LRP10: variants seen among roughly 807,000 people sequenced by gnomAD.
The protein encoded by LRP10 is LDL receptor related protein 10, also known as low-density lipoprotein receptor-related protein 10.
Under a neutral mutation model 58.5 loss-of-function variants are expected in LRP10, and 42 were observed. The ratio of observed to expected loss-of-function variants is 0.72; its 90% confidence interval spans 0.56 to 0.93. The LOEUF is 0.93. Among genes scored for constraint, LRP10 ranks in the 40% least tolerant of loss-of-function variants. The probability of loss-of-function intolerance (pLI) is 0.00; values close to 1 mark genes in which losing one functional copy is unlikely to be tolerated. For synonymous variants in LRP10, 377 were observed against 388.5 expected, an observed-to-expected ratio of 0.97 and a Z score of 0.35; for missense variants, 872 against 940.1, an observed-to-expected ratio of 0.93 and a Z score of 0.95.
intron 1 of LRP10, 90 bp downstream of exon 1, chr14:22,872,427 C>G (rs1052368714): frequency 4.1e-6 from 6 of 1,479,168 alleles, no homozygotes; most frequent in Non-Finnish European, 5.7e-6. Context: ...CTCTATCCTG[C>G]CTGCCCATTC....
In LRP10 at chr14:22,880,707, T is replaced by TA. The variant is rs35462909; in HGVS notation, c.*3181dup. On this transcript the variant is annotated 3_prime_UTR_variant, in exon 7 of 7. Coordinates refer to ENST00000359591, the MANE Select transcript of LRP10 (RefSeq NM_014045.5). Reference sequence around the variant, plus strand: ...AAGGCTGCAGAAGCACCTAGGTGGTTAGAGAGTGAGTGCCTGGATGGGGCG... The same window carrying TA: ...AAGGCTGCAGAAGCACCTAGGTGGTTAAGAGAGTGAGTGCCTGGATGGGGCG... 21,449 of 151,028 alleles carry TA rather than the reference T, an allele frequency of 0.14. 1,679 individuals carry two copies. Among genetic ancestry groups the TA allele is most frequent in the African/African-American group, 0.16 (6,419 of 41,044 alleles). The allele number at this position is 151,028 out of a possible 1,614,324, so 9.4% of individuals were successfully genotyped here.
chr14:22,873,508 A>G, intron 3 of LRP10, 62 bp downstream of exon 3: 1 of 1,557,300 alleles, frequency 6.4e-7, no homozygotes, highest in South Asian at 1.2e-5. Context: ...CTCCATTGGA[A>G]GTCTTCAGGG....
At chr14:22,873,067 C>A in intron 2 of LRP10, 1 of 603,516 alleles carries the variant, frequency 1.7e-6, no homozygotes. Flanking sequence ...GGTTCAGTGG[C>A]TGGCACAAAG....
At position 22,879,131 on chromosome 14, in the gene LRP10, C is replaced by T. The variant is rs2040037288; in HGVS notation, c.*1604C>T. The T allele has an allele frequency of 2.2e-6, 1 of 455,966 alleles. No homozygotes were observed. The highest frequency in any genetic ancestry group is 2.0e-5 in the African/African-American group (1 of 50,172). 28.2% of individuals were successfully genotyped at this position (455,966 alleles called of 1,614,324 possible). A position where few individuals can be genotyped will look rare whatever the true frequency, so the allele number is the denominator to read the frequency against. On this transcript the variant is annotated 3_prime_UTR_variant, in exon 7 of 7. Coordinates refer to ENST00000359591, the MANE Select transcript of LRP10 (RefSeq NM_014045.5). Reference sequence around the variant, plus strand: ...CCTAGCCCCACACCTGGTGGAGAGGCCCTGTTGATTACACCCTGTCAGCCT... The same window carrying T: ...CCTAGCCCCACACCTGGTGGAGAGGTCCTGTTGATTACACCCTGTCAGCCT...
Position 22,879,334 on chromosome 14 carries a change from G to C in LRP10, c.*1807G>C. The C allele has an allele frequency of 4.4e-5, 16 of 361,376 alleles. No individual in the cohort carries two copies. Among genetic ancestry groups the C allele is most frequent in the Non-Finnish European group, 8.2e-5 (14 of 170,690 alleles). 22.4% of individuals were successfully genotyped at this position (361,376 alleles called of 1,614,324 possible). A position where few individuals can be genotyped will look rare whatever the true frequency, so the allele number is the denominator to read the frequency against. On this transcript the variant is annotated 3_prime_UTR_variant, in exon 7 of 7. Coordinates refer to ENST00000359591, the MANE Select transcript of LRP10 (RefSeq NM_014045.5). ...TCCAGAGACTGGGGAGAGGGCTCTG[G>C]AGAACCTGGTTCTTGCTTACTGTTC...
chr14:22,873,868 A>C (rs753303197), intron 3 of LRP10, among the ~76,000 whole-genome samples: 58 of 152,258 alleles, frequency 3.8e-4, no homozygotes, highest in Non-Finnish European at 7.8e-4. Context: ...ATCCTTGTCA[A>C]CAGGTAAAGA....
rs374677073 is a variant in LRP10, at chr14:22,875,727, G to T, written c.779G>T (p.Arg260Leu). 1.2e-6 allele frequency: 2 copies of T among 1,613,706 alleles called. No homozygotes were observed. The highest frequency in any genetic ancestry group is 1.7e-6 in the Non-Finnish European group (2 of 1,179,774). Residue 260 changes from arginine to leucine, a missense_variant, in exon 5 of 7, where the codon CGA becomes CTA. Arg to Leu is a moderately radical substitution (Grantham distance 102). Transcript: ENST00000359591. ...GGCCCTGGGCCCCCTGAGAGCTCCC[G>T]ACTACTGCGTAGTCTCACCCACTTC... The part of the protein sequence containing the change: ...YDGPGPPESS[R>L]LLRSLTHFSN...
Position 22,872,122 on chromosome 14 carries a change from C to A in LRP10, c.-182C>A. The A allele has an allele frequency of 4.7e-6, 3 of 638,210 alleles. No homozygotes were observed. Among genetic ancestry groups the A allele is most frequent in the Middle Eastern group, 3.7e-4 (1 of 2,678 alleles). 39.5% of individuals were successfully genotyped at this position (638,210 alleles called of 1,614,324 possible). A position where few individuals can be genotyped will look rare whatever the true frequency, so the allele number is the denominator to read the frequency against. On this transcript the variant is annotated 5_prime_UTR_variant, in exon 1 of 7. Coordinates refer to ENST00000359591, the MANE Select transcript of LRP10 (RefSeq NM_014045.5). The stretch of plus-strand genomic sequence containing the variant: ...GTTGGCGAAAGGCACCGCCCCTACT[C>A]CCGGGCTGCCGCCGCCTCCCCGCCC...
Position 22,880,377 on chromosome 14 carries a change from A to G in LRP10, c.*2850A>G, listed in dbSNP as rs2040050035. 1 of 151,632 alleles carries G rather than the reference A, an allele frequency of 6.6e-6. No individual in the cohort carries two copies. The highest frequency in any genetic ancestry group is 2.1e-4 in the South Asian group (1 of 4,796). 9.4% of individuals were successfully genotyped at this position (151,632 alleles called of 1,614,324 possible). On this transcript the variant is annotated 3_prime_UTR_variant, in exon 7 of 7. Transcript: ENST00000359591. The stretch of plus-strand genomic sequence containing the variant: ...GTGACAGAGCGAGACTCCTTCTCCA[A>G]AAAAAAAGAAAAGAAGATACCAGAA...
chr14:22,875,901 G>A lies in LRP10; in HGVS notation c.953G>A (p.Gly318Asp). 5 of 1,613,496 alleles carry A rather than the reference G, an allele frequency of 3.1e-6. No homozygotes were observed. The highest frequency in any genetic ancestry group is 3.4e-6 in the Non-Finnish European group (4 of 1,179,636). Reference sequence around the variant, plus strand: ...CCTTGGGACAGACCCTGTGGCTTAGGCTCTGGCCTGGGAGCTGGCGAAGGC... The same window carrying A: ...CCTTGGGACAGACCCTGTGGCTTAGACTCTGGCCTGGGAGCTGGCGAAGGC... Reference protein sequence around the residue: ...CLPWDRPCGLGSGLGAGEGLG... With the variant: ...CLPWDRPCGLDSGLGAGEGLG... Residue 318 changes from glycine (G) to aspartate (D), a missense_variant, in exon 5 of 7, where the codon GGC (glycine) becomes GAC (aspartate). Gly to Asp is a moderately conservative substitution (Grantham distance 94). Transcript: ENST00000359591.
rs2040008057 is a variant in LRP10 at position 22,876,508 on chromosome 14, G to A, written c.1424+136G>A. 8 of 1,341,966 alleles carry A rather than the reference G, an allele frequency of 6.0e-6. No individual in the cohort carries two copies. The East Asian group carries it at 1.9e-4, about 31-fold the overall frequency. 83.1% of individuals were successfully genotyped at this position (1,341,966 alleles called of 1,614,324 possible). A position where few individuals can be genotyped will look rare whatever the true frequency, so the allele number is the denominator to read the frequency against. ...CAGCTTGTCAGTTGTGTCCTGTAAG[G>A]GACAGGTCCAGATCCTGAAAGCAGT... On this transcript the variant is annotated intron_variant, in intron 5 of 6. Coordinates refer to ENST00000359591, the MANE Select transcript of LRP10 (RefSeq NM_014045.5).
intron 2 of LRP10, 187 bp from the exon 3 acceptor site, chr14:22,873,124 T>G (rs2039972425): frequency 4.5e-6 from 3 of 671,886 alleles, no homozygotes; most frequent in Non-Finnish European, 7.6e-6. Flanking sequence ...GGTGAAGCTA[T>G]GAAGAATGTG....
chr14:22,876,580 C>T (rs1359312657), intron 5 of LRP10, 109 bp from the exon 6 acceptor site: 3 of 1,479,864 alleles, frequency 2.0e-6, no homozygotes, highest in African/African-American at 2.8e-5. Context: ...AGCCATGGCA[C>T]AGCTCCAGCT....
chr14:22,874,999 A>T, intron 3 of LRP10, 56 bp from the exon 4 acceptor site: 1 of 1,332,010 alleles, frequency 7.5e-7, no homozygotes, highest in Non-Finnish European at 9.9e-7. Context: ...CCAGGGGAGG[A>T]GAAAGCCAGC....
chr14:22,872,643 C>G (rs2039967795), intron 1 of LRP10, 95 bp from the exon 2 acceptor site: 3 of 1,261,864 alleles, frequency 2.4e-6, no homozygotes, highest in South Asian at 1.3e-5. Context: ...ATTAACTGCC[C>G]GGAAGTCCCG....
At position 22,872,259 on chromosome 14, in the gene LRP10, C is replaced by A. The variant is rs764936016; in HGVS notation, c.-45C>A. The A allele has an allele frequency of 1.9e-6, 3 of 1,610,384 alleles. No homozygotes were observed. The Admixed American group carries it at 5.0e-5, about 27-fold the overall frequency. On this transcript the variant is annotated 5_prime_UTR_variant, in exon 1 of 7. Coordinates refer to ENST00000359591, the MANE Select transcript of LRP10 (RefSeq NM_014045.5). ...CTCCGCCGCGACCCCATCGGGTAGA[C>A]CACAGAAGCTCCGGGACCCTTCCGG...
chr14:22,873,760 C>T (rs2039978430), intron 3 of LRP10, among the ~76,000 whole-genome samples: 1 of 152,230 alleles, frequency 6.6e-6, no homozygotes, highest in Non-Finnish European at 1.5e-5. Flanking sequence ...CTCCTCACCT[C>T]AAGTGATCCA....
In LRP10 at chr14:22,879,284, C is replaced by A; in HGVS notation, c.*1757C>A. The A allele has an allele frequency of 2.2e-6, 1 of 450,818 alleles. No homozygotes were observed. The highest frequency in any genetic ancestry group is 2.4e-5 in the Admixed American group (1 of 42,400). The allele number at this position is 450,818 out of a possible 1,614,324, so 27.9% of individuals were successfully genotyped here. A position where few individuals can be genotyped will look rare whatever the true frequency, so the allele number is the denominator to read the frequency against. The stretch of plus-strand genomic sequence containing the variant: ...CTGGCACCTTGGCTCAGGGAAGACC[C>A]GAGCTCCTTTCACTGCAGACCCTCT... On this transcript the variant is annotated 3_prime_UTR_variant, in exon 7 of 7. Transcript: ENST00000359591.
At position 22,880,432 on chromosome 14, in the gene LRP10, G is replaced by C. The variant is rs2040050556; in HGVS notation, c.*2905G>C. 6.6e-6 allele frequency: 1 copy of C among 152,154 alleles called. No individual in the cohort carries two copies. The highest frequency in any genetic ancestry group is 6.6e-5 in the Admixed American group (1 of 15,264). 9.4% of individuals were successfully genotyped at this position (152,154 alleles called of 1,614,324 possible). A position where few individuals can be genotyped will look rare whatever the true frequency, so the allele number is the denominator to read the frequency against. On this transcript the variant is annotated 3_prime_UTR_variant, in exon 7 of 7. Transcript: ENST00000359591. ...GTCCTTAAGAAACAAAATTCTGCCA[G>C]GCGCAGTAGCTCACACCTGTAATCC...
Sources: gnomAD v4.1 joint callset for allele counts (sites outside exome capture counted in the v4.1 genomes callset) on GRCh38, gnomAD v4.1.1 for gene constraint, MANE v1.5 for transcripts, NCBI Gene and HGNC (gene_info 2026-07-23, HGNC 2026-07-21) for gene names.